GLS: variants seen among roughly 807,000 people sequenced by gnomAD.
GLS encodes glutaminase kidney isoform, mitochondrial.
Under a neutral mutation model 86.7 loss-of-function variants are expected in GLS, and 36 were observed. That is an observed-to-expected ratio of 0.42 (90% CI 0.32 to 0.55). The LOEUF (loss-of-function observed/expected upper bound fraction) is 0.55, where lower values mean the gene tolerates loss of function less well. Among genes scored for constraint, GLS ranks in the 20% least tolerant of loss-of-function variants. The pLI is 0.17. For synonymous variants in GLS, 317 were observed against 305.9 expected (o/e 1.04, Z -0.38); for missense variants, 528 against 833.4 (o/e 0.63, Z 4.51).
Position 190,947,602 on chromosome 2 carries a change from A to G in GLS, c.1651-5963A>G, listed in dbSNP as rs1690609332. Among the ~76,000 whole-genome samples, 1 of 152,198 alleles carries G rather than the reference A, an allele frequency of 6.6e-6. No individual in the cohort carries two copies. Among genetic ancestry groups the G allele is most frequent in the South Asian group, 2.1e-4 (1 of 4,832 alleles). On this transcript the variant is annotated intron_variant, in intron 14 of 17. Coordinates refer to ENST00000320717, the MANE Select transcript of GLS (RefSeq NM_014905.5). This position sits in a 1 kb window ranked among gnomAD's most constrained non-coding sequence, Gnocchi z 5.0. Reference sequence around the variant, plus strand: ...TTAATAGCTATTATTGCGGCTGTGTATAGTCTGTTTCTTTATAGTAAGGAA... The same window carrying G: ...TTAATAGCTATTATTGCGGCTGTGTGTAGTCTGTTTCTTTATAGTAAGGAA...
intron 5 of GLS, among the ~76,000 whole-genome samples, chr2:190,904,035 GT>G (rs1330240764): frequency 2.0e-5 from 3 of 152,038 alleles, no homozygotes; most frequent in Non-Finnish European, 4.4e-5. Flanking sequence ...GTACTTCTCA[GT>G]TTGGTGGTAA....
At chr2:190,901,479 A>T (rs544327403) in intron 4 of GLS, among the ~76,000 whole-genome samples, 1 of 152,140 alleles carries the variant, frequency 6.6e-6, no homozygotes, top group South Asian at 2.1e-4. Flanking sequence ...TCTGCATATA[A>T]TTGCACTGTT....
At chr2:190,881,967 G>C (rs1688216281) in intron 1 of GLS, 2 of 152,848 alleles carry the variant, frequency 1.3e-5, no homozygotes, top group Non-Finnish European at 2.9e-5. Context: ...CCCTCCCTTG[G>C]TTTCTGCCAT....
chr2:190,883,384 G>T (rs1404936733), intron 1 of GLS, among the ~76,000 whole-genome samples: 2 of 152,110 alleles, frequency 1.3e-5, no homozygotes, highest in Middle Eastern at 3.2e-3. Context: ...CTAATGCTTA[G>T]CCTGCAAAGC....
intron 12 of GLS, among the ~76,000 whole-genome samples, chr2:190,929,262 T>C (rs546485394): frequency 4.2e-4 from 64 of 151,998 alleles, no homozygotes; most frequent in African/African-American, 1.4e-3. Context: ...TAAGAATATA[T>C]AACTTTTTAT....
At chr2:190,904,903 T>C in intron 5 of GLS, 101 bp from the exon 6 acceptor site, 1 of 729,682 alleles carries the variant, frequency 1.4e-6, no homozygotes, top group South Asian at 1.6e-5. Flanking sequence ...TATGGGAAAA[T>C]TTTTGTTGGA....
chr2:190,960,250 T>C (rs2124957911), intron 17 of GLS, among the ~76,000 whole-genome samples: 1 of 152,238 alleles, frequency 6.6e-6, no homozygotes, highest in Non-Finnish European at 1.5e-5. Flanking sequence ...TTGATGGTGG[T>C]TTGATATGTA....
chr2:190,938,510 T>C lies in GLS; in HGVS notation c.1650+6873T>C, dbSNP rs1236133902. Reference sequence around the variant, plus strand: ...TTTTATTTACCATAATCTTATATATTTTTTAGAATCACAGATTTGAATTTG... The same window carrying C: ...TTTTATTTACCATAATCTTATATATCTTTTAGAATCACAGATTTGAATTTG... On this transcript the variant is annotated intron_variant, in intron 14 of 17. Transcript: ENST00000320717. This position sits in a 1 kb window ranked among gnomAD's most constrained non-coding sequence, Gnocchi z 4.1. Among the ~76,000 whole-genome samples, 1 of 151,612 alleles carries C rather than the reference T, an allele frequency of 6.6e-6. No individual in the cohort carries two copies. Among genetic ancestry groups the C allele is most frequent in the Non-Finnish European group, 1.5e-5 (1 of 67,576 alleles).
chr2:190,884,023 T>G (rs1033692303), intron 1 of GLS, among the ~76,000 whole-genome samples: 1 of 152,240 alleles, frequency 6.6e-6, no homozygotes, highest in Admixed American at 6.5e-5. Context: ...ATAGAAAAAT[T>G]TAATGATCTT....
At chr2:190,958,127 TATTCAGGGATTTG>T (rs1690906520) in intron 17 of GLS, among the ~76,000 whole-genome samples, 1 of 152,234 alleles carries the variant, frequency 6.6e-6, no homozygotes, top group Admixed American at 6.5e-5. Context: ...GTTATCGGTC[TATTCAGGGATTTG>T]ACTTCTTCCT....
chr2:190,886,592 G>A (rs1203040399), intron 1 of GLS, among the ~76,000 whole-genome samples: 2 of 152,170 alleles, frequency 1.3e-5, no homozygotes, highest in Admixed American at 1.3e-4. Context: ...GAAGATATTT[G>A]TGGGTTTCTT....
intron 14 of GLS, among the ~76,000 whole-genome samples, chr2:190,945,088 G>A (rs1171654107): frequency 6.6e-6 from 1 of 151,962 alleles, no homozygotes; most frequent in Non-Finnish European, 1.5e-5. Context: ...TGCAAGCACT[G>A]GCCCTGGCAT....
chr2:190,893,407 T>C (rs1185763779), intron 1 of GLS, among the ~76,000 whole-genome samples: 1 of 152,174 alleles, frequency 6.6e-6, no homozygotes, highest in African/African-American at 2.4e-5. Flanking sequence ...TTTGAACAAA[T>C]AACAAATTTG....
intron 7 of GLS, among the ~76,000 whole-genome samples, chr2:190,916,020 T>G (rs1338029882): frequency 6.6e-6 from 1 of 152,212 alleles, no homozygotes; most frequent in African/African-American, 2.4e-5. Context: ...ACTTTTAAAA[T>G]TTCAATCTAC....
At chr2:190,883,796 C>A (rs750780481) in intron 1 of GLS, among the ~76,000 whole-genome samples, 2 of 152,164 alleles carry the variant, frequency 1.3e-5, no homozygotes, top group Non-Finnish European at 2.9e-5. Context: ...TTAACCACAC[C>A]AATTTCATCA....
chr2:190,886,768 T>C (rs1688393986), intron 1 of GLS, among the ~76,000 whole-genome samples: 1 of 151,976 alleles, frequency 6.6e-6, no homozygotes, highest in South Asian at 2.1e-4. Context: ...ATACAAAAAT[T>C]AGCCAGGAGT....
rs567551440 is a variant in GLS at position 190,953,489 on chromosome 2, T to A, written c.1651-76T>A. On this transcript the variant is annotated intron_variant, in intron 14 of 17. Coordinates refer to ENST00000320717, the MANE Select transcript of GLS (RefSeq NM_014905.5). This position sits in a 1 kb window ranked among gnomAD's most constrained non-coding sequence, Gnocchi z 4.0. ...CTGAAGTGTTCAAAGCACATGGAAA[T>A]CACTTGCCAGTGACAGGTGGACGTT... 418 of 971,062 alleles carry A rather than the reference T, an allele frequency of 4.3e-4. No homozygotes were observed. Among genetic ancestry groups the A allele is most frequent in the Non-Finnish European group, 6.2e-4 (373 of 596,944 alleles). 60.2% of individuals were successfully genotyped at this position (971,062 alleles called of 1,614,324 possible).
chr2:190,932,954 A>T (rs1383452534), intron 14 of GLS: 5 of 1,288,618 alleles, frequency 3.9e-6, no homozygotes, highest in Non-Finnish European at 3.9e-6. Context: ...TATTTGAGGT[A>T]TTTTTTGTTC....
chr2:190,890,650 A>AT (rs1688529758), intron 1 of GLS, among the ~76,000 whole-genome samples: 1 of 152,194 alleles, frequency 6.6e-6, no homozygotes, highest in Non-Finnish European at 1.5e-5. Flanking sequence ...GCTGGTGTTG[A>AT]TAGACGGTTG....
Sources: gnomAD v4.1 joint callset for allele counts (sites outside exome capture counted in the v4.1 genomes callset) on GRCh38, gnomAD v4.1.1 for gene constraint, Gnocchi (gnomAD v3.1) non-coding constraint, MANE v1.5 for transcripts, NCBI Gene and HGNC (gene_info 2026-07-23, HGNC 2026-07-21) for gene names.